The following CDH18 variants were observed in gnomAD, a reference collection of about 807,000 sequenced individuals.
CDH18 encodes cadherin-18.
In CDH18, 31 loss-of-function variants were observed where a neutral mutation model predicts 67.9. The observed-to-expected ratio is 0.46, with a 90% CI of 0.34 to 0.62. CDH18 has a LOEUF of 0.62. Ranked by LOEUF, CDH18 falls within the 20% of genes least tolerant of loss-of-function variation. The pLI, the probability that CDH18 is intolerant of heterozygous loss-of-function variation, is 0.01. For missense variants in CDH18, 890 were observed against 975.5 expected (o/e 0.91, Z 1.17); for synonymous variants, 362 against 347.2 (o/e 1.04, Z -0.48).
chr5:19,653,064 C>T (rs146602491), intron 5 of CDH18, among the ~76,000 whole-genome samples: 1 of 151,616 alleles, frequency 6.6e-6, no homozygotes, highest in African/African-American at 2.4e-5. Context: ...TTTTTTTCAG[C>T]TTCTGAATAA....
At chr5:20,046,688 C>A (rs1476700140) in intron 2 of CDH18, among the ~76,000 whole-genome samples, 7 of 148,724 alleles carry the variant, frequency 4.7e-5, no homozygotes, top group South Asian at 4.2e-4. Context: ...ATATATATAT[C>A]TCTATATATA....
chr5:20,173,265 C>G (rs1311349446), intron 2 of CDH18, among the ~76,000 whole-genome samples: 1 of 151,956 alleles, frequency 6.6e-6, no homozygotes, highest in African/African-American at 2.4e-5. Flanking sequence ...TTGCTCTAAA[C>G]CAAAATTATG....
intron 1 of CDH18, among the ~76,000 whole-genome samples, chr5:20,405,073 T>A (rs1328889070): frequency 6.6e-6 from 1 of 152,058 alleles, no homozygotes; most frequent in East Asian, 1.9e-4. Flanking sequence ...TTCACAGAAT[T>A]GGGAAAAAAT....
intron 1 of CDH18, among the ~76,000 whole-genome samples, chr5:20,480,943 A>G (rs1346097687): frequency 6.6e-6 from 1 of 152,166 alleles, no homozygotes; most frequent in African/African-American, 2.4e-5. Context: ...AGGAAAGAAG[A>G]CCACAAAAAA....
At chr5:20,034,870 T>C (rs1471460391) in intron 2 of CDH18, among the ~76,000 whole-genome samples, 1 of 152,076 alleles carries the variant, frequency 6.6e-6, no homozygotes, top group Non-Finnish European at 1.5e-5. Flanking sequence ...CTGTGGGTTC[T>C]GTTTCTCTAA....
chr5:19,623,543 T>C (rs1751024243), intron 5 of CDH18, among the ~76,000 whole-genome samples: 1 of 152,272 alleles, frequency 6.6e-6, no homozygotes, highest in East Asian at 1.9e-4. Context: ...CATATAGACA[T>C]ATGATGCTTA....
intron 2 of CDH18, among the ~76,000 whole-genome samples, chr5:20,156,877 C>T (rs932302685): frequency 7.2e-5 from 11 of 152,228 alleles, no homozygotes; most frequent in South Asian, 2.1e-4. Context: ...AATGTGACTA[C>T]AGAAATTTAA....
chr5:19,743,567 T>G (rs1302159109), intron 4 of CDH18, among the ~76,000 whole-genome samples: 3 of 152,128 alleles, frequency 2.0e-5, no homozygotes, highest in Non-Finnish European at 2.9e-5. Context: ...CAGGACAGAT[T>G]TGTTCCCCCT....
chr5:20,468,241 C>A (rs1751798536), intron 1 of CDH18, among the ~76,000 whole-genome samples: 1 of 152,106 alleles, frequency 6.6e-6, no homozygotes, highest in Admixed American at 6.6e-5. Context: ...GTCTTGAAAT[C>A]CTGACCTCAA....
Position 19,591,119 on chromosome 5 carries a change from T to C in CDH18, c.937A>G (p.Met313Val), listed in dbSNP as rs959562682. The C allele has an allele frequency of 4.3e-6, 7 of 1,610,988 alleles. No individual in the cohort carries two copies. The highest frequency in any genetic ancestry group is 1.7e-5 in the Admixed American group (1 of 59,718). ...TCAGTGGAGATTGAGAATATTCCCA[T>C]GCCATCACCATTTATGATGGAGTAG... ...MTYSIINGDG[M>V]GIFSISTDKE... The change falls in exon 7 of 13, where the codon ATG becomes GTG. Residue 313 changes from methionine (M) to valine (V), a missense_variant. By Grantham distance (21) the Met-to-Val change is conservative (BLOSUM62 1). Transcript: ENST00000382275.
At chr5:19,665,569 T>A (rs1757791772) in intron 5 of CDH18, among the ~76,000 whole-genome samples, 5 of 152,042 alleles carry the variant, frequency 3.3e-5, no homozygotes, top group Admixed American at 2.0e-4. Context: ...AGATTATAAG[T>A]TTTCATTAAA....
chr5:20,381,859 T>C (rs1743931625), intron 1 of CDH18, among the ~76,000 whole-genome samples: 1 of 152,132 alleles, frequency 6.6e-6, no homozygotes, highest in African/African-American at 2.4e-5. Flanking sequence ...ACGGATTAGC[T>C]AGCAGAATGA....
intron 3 of CDH18, among the ~76,000 whole-genome samples, chr5:19,789,811 C>T (rs561039693): frequency 7.9e-4 from 120 of 151,616 alleles, no homozygotes; most frequent in Non-Finnish European, 1.5e-3. Context: ...TATAAATTAG[C>T]AATGTGAGTA....
chr5:20,114,301 T>A (rs1273448046), intron 2 of CDH18, among the ~76,000 whole-genome samples: 2 of 152,332 alleles, frequency 1.3e-5, no homozygotes, highest in East Asian at 1.9e-4. Context: ...AGAGTTTATA[T>A]AAATCTATCA....
At chr5:19,813,821 C>A (rs1378366419) in intron 3 of CDH18, among the ~76,000 whole-genome samples, 4 of 151,932 alleles carry the variant, frequency 2.6e-5, no homozygotes, top group African/African-American at 9.7e-5. Flanking sequence ...TAATTATTGA[C>A]ACTAATGTGC....
chr5:19,701,046 A>G (rs1313933571), intron 5 of CDH18, among the ~76,000 whole-genome samples: 1 of 152,298 alleles, frequency 6.6e-6, no homozygotes, highest in East Asian at 1.9e-4. Flanking sequence ...CAGTAAAATT[A>G]TTGTAAATGA....
intron 1 of CDH18, among the ~76,000 whole-genome samples, chr5:20,440,267 C>CA (rs1749512004): frequency 6.6e-6 from 1 of 151,676 alleles, no homozygotes; most frequent in Admixed American, 6.6e-5. Context: ...GAGAAAGGCA[C>CA]AAAAATAATT....
intron 5 of CDH18, among the ~76,000 whole-genome samples, chr5:19,637,279 T>C (rs1372392188): frequency 6.6e-6 from 1 of 152,090 alleles, no homozygotes; most frequent in African/African-American, 2.4e-5. Flanking sequence ...CACTGTGGAA[T>C]GGTTAAATTG....
intron 8 of CDH18, among the ~76,000 whole-genome samples, chr5:19,568,504 G>A (rs1047600097): frequency 3.3e-5 from 5 of 152,122 alleles, no homozygotes; most frequent in African/African-American, 1.2e-4. Context: ...CAAGAACTGT[G>A]ATAAATAAAT....
Sources: allele counts gnomAD v4.1 joint callset (sites outside exome capture counted in the v4.1 genomes callset), GRCh38; gene constraint gnomAD v4.1.1; transcripts MANE v1.5; gene names NCBI Gene and HGNC (gene_info 2026-07-23, HGNC 2026-07-21).